LMTK3: variants seen among roughly 807,000 people sequenced by gnomAD.
LMTK3 encodes the protein serine/threonine-protein kinase LMTK3.
A neutral mutation model predicts 116.7 loss-of-function variants in LMTK3; 27 were observed. The observed-to-expected ratio is 0.23, with a 90% CI of 0.17 to 0.32. The LOEUF (loss-of-function observed/expected upper bound fraction) is 0.32, where lower values mean the gene tolerates loss of function less well. LMTK3 is among the 10% of genes least tolerant of loss of function. The pLI, the probability that LMTK3 is intolerant of heterozygous loss-of-function variation, is 1.00. For missense variants in LMTK3, 1,764 were observed against 2,068.5 expected (o/e 0.85, Z 2.86); for synonymous variants, 965 against 971.0 (o/e 0.99, Z 0.11).
rs1569103770 is a variant in LMTK3, at chr19:48,499,176, C to T, written c.1893G>A (p.Glu631=). ...LAGDPAEVLG[E]RGTAPWVEEE... is the part of the protein sequence containing the mutation. ...CTTCCACCCACGGGGCGGTCCCCCG[C>T]TCCCCCAAGACCTCGGCAGGGTCTC... Residue 631 remains glutamate, a synonymous_variant, in exon 11 of 15, where the codon GAG becomes GAA. Coordinates refer to ENST00000600059, the MANE Select transcript of LMTK3 (RefSeq NM_001388485.1). The T allele has an allele frequency of 6.7e-7, 1 of 1,494,326 alleles. No homozygotes were observed. The highest frequency in any genetic ancestry group is 8.9e-7 in the Non-Finnish European group (1 of 1,120,358). 92.6% of individuals were successfully genotyped at this position (1,494,326 alleles called of 1,614,324 possible).
At chr19:48,513,485 C>A (rs1252367473), upstream of LMTK3, 2 of 357,610 alleles carry the variant, frequency 5.6e-6, no homozygotes, top group Non-Finnish European at 5.2e-6. The surrounding 1 kb of genome is among the most constrained non-coding windows in gnomAD (Gnocchi z 5.6). Flanking sequence ...ACATCACGTG[C>A]CAGGCCGCCG....
At chr19:48,509,595 G>C in intron 3 of LMTK3, 82 bp from the exon 4 acceptor site, 3 of 1,155,500 alleles carry the variant, frequency 2.6e-6, no homozygotes, top group South Asian at 3.1e-5. Context: ...AGTGGGGACT[G>C]AGACAGAGCA....
chr19:48,499,637 C>T lies in LMTK3; in HGVS notation c.1432G>A (p.Glu478Lys), dbSNP rs1258904960. 2 of 1,541,478 alleles carry T rather than the reference C, an allele frequency of 1.3e-6. No individual in the cohort carries two copies. The highest frequency in any genetic ancestry group is 1.4e-5 in the African/African-American group (1 of 71,932). Residue 478 changes from glutamate to lysine, a missense_variant, in exon 11 of 15, where the codon GAG becomes AAG. Coordinates refer to ENST00000600059, the MANE Select transcript of LMTK3 (RefSeq NM_001388485.1). ...VTESSRGLNLECLWEKARRGA... is the reference protein window; with the variant it reads ...VTESSRGLNLKCLWEKARRGA... ...CGCCGGGCCTTCTCCCACAGGCACT[C>T]GAGGTTGAGGCCGCGGCTACTCTCG...
At chr19:48,510,783 T>C (rs566210953) in intron 1 of LMTK3, among the ~76,000 whole-genome samples, 191 bp from the exon 2 acceptor site, 1 of 152,180 alleles carries the variant, frequency 6.6e-6, no homozygotes, top group Non-Finnish European at 1.5e-5. Flanking sequence ...AGTGGTTGGA[T>C]TGGGGGTGGG....
chr19:48,495,344 A>C (rs1054745103), intron 11 of LMTK3, among the ~76,000 whole-genome samples: 5 of 152,148 alleles, frequency 3.3e-5, no homozygotes, highest in African/African-American at 1.2e-4. Flanking sequence ...GAGTACCCAG[A>C]TGAAGGTCAG....
intron 11 of LMTK3, among the ~76,000 whole-genome samples, chr19:48,496,275 A>ATTTTTTCT (rs1398168674): frequency 6.9e-6 from 1 of 145,632 alleles, no homozygotes; most frequent in South Asian, 2.2e-4. Flanking sequence ...ACGCTGGCTA[A>ATTTTTTCT]TTTTTTCTTT....
intron 14 of LMTK3, among the ~76,000 whole-genome samples, chr19:48,486,027 C>T (rs974103748): frequency 2.1e-4 from 31 of 150,834 alleles, no homozygotes; most frequent in African/African-American, 6.3e-4. Context: ...ATGCTGTTCC[C>T]GCTGCCTGGA....
upstream of LMTK3, chr19:48,513,521 C>T: frequency 3.3e-6 from 1 of 307,578 alleles, no homozygotes; most frequent in Non-Finnish European, 6.2e-6. This position sits in a 1 kb window ranked among gnomAD's most constrained non-coding sequence, Gnocchi z 5.6. Flanking sequence ...ATCCCACCCT[C>T]CAGCGCCCCG....
rs1234748614 is a variant in LMTK3 at position 48,508,972 on chromosome 19, G to A, written c.439-3C>T. On this transcript the variant is annotated splice_region_variant and splice_polypyrimidine_tract_variant and intron_variant, in intron 4 of 14. Coordinates refer to ENST00000600059, the MANE Select transcript of LMTK3 (RefSeq NM_001388485.1). ...GAGAAAATCTCTCCCAGGATCACCT[G>A]GTCAAGGGGCACCCAGGAGTCAGCG... The A allele has an allele frequency of 4.4e-6, 7 of 1,593,616 alleles. No individual in the cohort carries two copies. In the East Asian group the frequency reaches 1.6e-4, roughly 36 times the overall value.
rs55953841 is a variant in LMTK3, at chr19:48,501,294, C to T, written c.990G>A (p.Glu330=). ...GTFMVVDQSR[E]SNIWSLGVTL... ...CCCGTGGTCCTCACCAGATGTTGCT[C>T]TCGCGGCTCTGGTCCACCACCATGA... Residue 330 remains glutamate, a synonymous_variant, in exon 9 of 15, where the codon GAG becomes GAA. Coordinates refer to ENST00000600059, the MANE Select transcript of LMTK3 (RefSeq NM_001388485.1). 0.015 allele frequency: 23,446 copies of T among 1,613,544 alleles called. 309 individuals are homozygous for T. Among genetic ancestry groups the T allele is most frequent in the Middle Eastern group, 0.1 (613 of 6,060 alleles).
At chr19:48,492,161 C>G (rs1972238252) in intron 12 of LMTK3, among the ~76,000 whole-genome samples, 1 of 152,076 alleles carries the variant, frequency 6.6e-6, no homozygotes, top group African/African-American at 2.4e-5. Context: ...CACCACTCGC[C>G]CTCCCTTTTT....
upstream of LMTK3, chr19:48,513,289 C>T: frequency 1.2e-6 from 1 of 858,474 alleles, no homozygotes; most frequent in East Asian, 2.7e-5. This position sits in a 1 kb window ranked among gnomAD's most constrained non-coding sequence, Gnocchi z 5.6. Context: ...TACAGAATTA[C>T]CTCTCAATCC....
intron 12 of LMTK3, 123 bp downstream of exon 12, chr19:48,493,571 G>C: frequency 1.2e-6 from 1 of 837,868 alleles, no homozygotes; most frequent in East Asian, 1.2e-4. Flanking sequence ...CCCCACTCCA[G>C]CTCCGCCTCC....
intron 14 of LMTK3, among the ~76,000 whole-genome samples, chr19:48,487,119 C>T (rs777501022): frequency 5.3e-5 from 8 of 151,236 alleles, no homozygotes; most frequent in Non-Finnish European, 1.0e-4. Flanking sequence ...AATGCAACCT[C>T]CACCTCCCAG....
intron 11 of LMTK3, among the ~76,000 whole-genome samples, chr19:48,496,562 G>A (rs544978515): frequency 3.2e-4 from 48 of 152,328 alleles, no homozygotes; most frequent in African/African-American, 1.2e-3. Context: ...GCCTCCCAAA[G>A]TGCTGGGATT....
At position 48,499,842 on chromosome 19, in the gene LMTK3, G is replaced by A; in HGVS notation, c.1227C>T (p.Thr409=). 6.3e-7 allele frequency: 1 copy of A among 1,588,394 alleles called. No homozygotes were observed. Among genetic ancestry groups the A allele is most frequent in the Non-Finnish European group, 8.6e-7 (1 of 1,169,338 alleles). Residue 409 remains threonine (T), a synonymous_variant, in exon 11 of 15, where the codon ACC becomes ACT. Coordinates refer to ENST00000600059, the MANE Select transcript of LMTK3 (RefSeq NM_001388485.1). ...GGGGAGGCCGCTCGGAGAGCAAGTA[G>A]GTGAGCTGCAATTGGAGATCAGAGG... is the stretch of plus-strand genomic sequence containing the variant. ...PSASDLQLQL[T]YLLSERPPRP... is the part of the protein sequence containing the mutation.
chr19:48,488,479 C>A (rs1009574214), intron 14 of LMTK3, among the ~76,000 whole-genome samples: 6 of 152,058 alleles, frequency 3.9e-5, no homozygotes, highest in Non-Finnish European at 8.8e-5. Context: ...CCCTCCCTTG[C>A]TTATAGTCGT....
intron 3 of LMTK3, 35 bp downstream of exon 3, chr19:48,509,988 C>T (rs1972630023): frequency 6.2e-7 from 1 of 1,608,806 alleles, no homozygotes; most frequent in Non-Finnish European, 8.5e-7. Context: ...TTTCCCGGGA[C>T]ACCATGGGAT....
rs1302891138 is a variant in LMTK3, at chr19:48,509,517, G to A, written c.362-4C>T. On this transcript the variant is annotated splice_region_variant and splice_polypyrimidine_tract_variant and intron_variant, in intron 3 of 14. Coordinates refer to ENST00000600059, the MANE Select transcript of LMTK3 (RefSeq NM_001388485.1). Reference sequence around the variant, plus strand: ...AGGCCCAGGGGGGTGGTCATGTCTGGGGAGGGCAAGAGGGGAAAGCCCCTG... The same window carrying A: ...AGGCCCAGGGGGGTGGTCATGTCTGAGGAGGGCAAGAGGGGAAAGCCCCTG... The A allele has an allele frequency of 2.6e-6, 4 of 1,549,706 alleles. No individual in the cohort carries two copies. The highest frequency in any genetic ancestry group is 2.0e-5 in the Admixed American group (1 of 51,110).
Sources: gnomAD v4.1 joint callset for allele counts (sites outside exome capture counted in the v4.1 genomes callset) on GRCh38, gnomAD v4.1.1 for gene constraint, Gnocchi (gnomAD v3.1) non-coding constraint, MANE v1.5 for transcripts, NCBI Gene and HGNC (gene_info 2026-07-23, HGNC 2026-07-21) for gene names.